Variants in RBFOX2 observed in about 807,000 individuals in gnomAD.
RBFOX2 encodes RNA binding protein fox-1 homolog 2.
In RBFOX2, 10 loss-of-function variants were observed where a neutral mutation model predicts 49.1. The observed-to-expected ratio is 0.20, with a 90% CI of 0.13 to 0.35. The LOEUF is 0.35. RBFOX2 is among the 10% of genes least tolerant of loss of function. The pLI is 1.00. For missense variants in RBFOX2, 323 were observed against 486.9 expected, an observed-to-expected ratio of 0.66 and a Z score of 3.17; for synonymous variants, 183 against 187.4, an observed-to-expected ratio of 0.98 and a Z score of 0.19.
At chr22:35,887,338 T>G (rs2046700021) in intron 1 of RBFOX2, among the ~76,000 whole-genome samples, 1 of 152,142 alleles carries the variant, frequency 6.6e-6, no homozygotes, top group Admixed American at 6.5e-5. Flanking sequence ...CTGTTCTCTA[T>G]GCCTTTTCTG....
Position 35,781,875 on chromosome 22 carries a change from A to G in RBFOX2, c.253-129T>C, listed in dbSNP as rs1031826744. 18 of 1,039,074 alleles carry G rather than the reference A, an allele frequency of 1.7e-5. No individual in the cohort carries two copies. The African/African-American group carries it at 2.8e-4, about 16-fold the overall frequency. The allele number at this position is 1,039,074 out of a possible 1,614,324, so 64.4% of individuals were successfully genotyped here. A position where few individuals can be genotyped will look rare whatever the true frequency, so the allele number is the denominator to read the frequency against. ...AATCACAGTAGTCCCTTCAAAGACA[A>G]AAGCAACAACAACAGCAGCAACAAC... On this transcript the variant is annotated intron_variant, in intron 2 of 11. Transcript: ENST00000405409.
intron 5 of RBFOX2, among the ~76,000 whole-genome samples, chr22:35,767,930 G>A (rs1941508510): frequency 6.6e-6 from 1 of 152,018 alleles, no homozygotes; most frequent in Admixed American, 6.6e-5. Flanking sequence ...TCAGAGTATT[G>A]CAAACTGAAG....
intron 1 of RBFOX2, among the ~76,000 whole-genome samples, chr22:36,018,786 G>C (rs1489999165): frequency 6.6e-6 from 1 of 152,058 alleles, no homozygotes. Context: ...GCTAATTTTT[G>C]TATTTTTAGT....
At chr22:35,944,450 C>T (rs2054046652) in intron 1 of RBFOX2, among the ~76,000 whole-genome samples, 2 of 152,056 alleles carry the variant, frequency 1.3e-5, no homozygotes, top group Non-Finnish European at 1.5e-5. Flanking sequence ...GGTGAAATTA[C>T]CCAGAATATA....
In RBFOX2 at chr22:35,848,533, T is replaced by C. The variant is rs140660415; in HGVS notation, c.-33-38529A>G. Among the ~76,000 whole-genome samples the C allele has an allele frequency of 1.2e-3, 184 of 152,308 alleles. 2 individuals carry two copies. The highest frequency in any genetic ancestry group is 4.3e-3 in the African/African-American group (177 of 41,586). On this transcript the variant is annotated intron_variant, in intron 1 of 13. Transcript: ENST00000359369. ...AAGCTGTAAGTTTACTCCAGAGAGC[T>C]TACCCAACAGGCCCAATCCAAAATA...
chr22:35,977,621 T>C (rs553797247), intron 1 of RBFOX2, among the ~76,000 whole-genome samples: 2 of 151,270 alleles, frequency 1.3e-5, no homozygotes, highest in South Asian at 2.1e-4. Context: ...TATATCTTGA[T>C]TGTGGTAGTG....
chr22:35,889,923 T>C (rs899209910), intron 1 of RBFOX2, among the ~76,000 whole-genome samples: 6 of 152,258 alleles, frequency 3.9e-5, no homozygotes, highest in African/African-American at 1.4e-4. Context: ...TCACAGATTA[T>C]CTCTATAATC....
At chr22:35,915,526 T>C (rs1001410956) in intron 1 of RBFOX2, among the ~76,000 whole-genome samples, 2 of 152,216 alleles carry the variant, frequency 1.3e-5, no homozygotes, top group African/African-American at 4.8e-5. Flanking sequence ...CTGAGTACAC[T>C]ACAGGGACTC....
At position 35,858,442 on chromosome 22, in the gene RBFOX2, T is replaced by G. The variant is rs556045637; in HGVS notation, c.-33-48438A>C. Among the ~76,000 whole-genome samples the G allele has an allele frequency of 2.0e-5, 3 of 152,324 alleles. No homozygotes were observed. The East Asian group carries it at 5.8e-4, about 29-fold the overall frequency. On this transcript the variant is annotated intron_variant, in intron 1 of 13. Coordinates refer to the RBFOX2 transcript ENST00000359369. ...TTTCCTCTGAACTTATATGGCATTC[T>G]CTATTTGTTTTTAGACATACTTATT...
At chr22:35,762,617 T>C (rs1939340233) in intron 6 of RBFOX2, among the ~76,000 whole-genome samples, 1 of 151,162 alleles carries the variant, frequency 6.6e-6, no homozygotes, top group Non-Finnish European at 1.5e-5. Flanking sequence ...GTGATTCTCA[T>C]GCCTCAGCCT....
chr22:35,853,086 G>A (rs2042123650), intron 1 of RBFOX2, among the ~76,000 whole-genome samples: 1 of 152,096 alleles, frequency 6.6e-6, no homozygotes, highest in South Asian at 2.1e-4. Flanking sequence ...CTAAGGTCAG[G>A]AGTTTGAGAC....
chr22:35,976,101 A>T (rs2057134074), intron 1 of RBFOX2, among the ~76,000 whole-genome samples: 1 of 152,190 alleles, frequency 6.6e-6, no homozygotes, highest in Admixed American at 6.5e-5. Context: ...TCTTCAATAA[A>T]TCGCATCCCC....
chr22:35,840,299 C>T (rs1958510293), exon 1 of RBFOX2: 2 of 1,612,688 alleles, frequency 1.2e-6, no homozygotes, highest in Non-Finnish European at 1.7e-6. Context: ...CACCCCCCTC[C>T]CCCCCCAATC....
chr22:35,856,294 C>T (rs544343611), intron 1 of RBFOX2, among the ~76,000 whole-genome samples: 5 of 152,248 alleles, frequency 3.3e-5, no homozygotes, highest in African/African-American at 1.2e-4. Flanking sequence ...CCCTTGGGAT[C>T]TCAAGACTTA....
intron 1 of RBFOX2, among the ~76,000 whole-genome samples, chr22:35,813,149 T>C (rs1952259342): frequency 6.6e-6 from 1 of 152,216 alleles, no homozygotes; most frequent in African/African-American, 2.4e-5. Flanking sequence ...AACAATTGTT[T>C]ATATATTAAG....
chr22:35,838,620 A>G (rs549902223), intron 1 of RBFOX2, among the ~76,000 whole-genome samples: 58 of 152,306 alleles, frequency 3.8e-4, no homozygotes, highest in Admixed American at 2.3e-3. Context: ...TTTGCGCTTC[A>G]GCCTGCGCAT....
intron 1 of RBFOX2, among the ~76,000 whole-genome samples, chr22:35,883,224 G>A (rs181379961): frequency 3.3e-5 from 5 of 152,246 alleles, no homozygotes; most frequent in African/African-American, 7.2e-5. Flanking sequence ...AGGGGTGTCC[G>A]ACAGCCTCTT....
chr22:35,876,220 T>A (rs2045060828), intron 1 of RBFOX2, among the ~76,000 whole-genome samples: 1 of 152,094 alleles, frequency 6.6e-6, no homozygotes, highest in East Asian at 1.9e-4. Context: ...TAAGTAGCAT[T>A]TTTAAAATTT....
chr22:35,922,091 G>C (rs758696025), intron 1 of RBFOX2, among the ~76,000 whole-genome samples: 5 of 152,126 alleles, frequency 3.3e-5, no homozygotes, highest in African/African-American at 1.2e-4. Flanking sequence ...CTGTGTGCTT[G>C]TATCTGCAGC....
Sources: gnomAD v4.1 joint callset for allele counts (sites outside exome capture counted in the v4.1 genomes callset) on GRCh38, gnomAD v4.1.1 for gene constraint, MANE v1.5 for transcripts, NCBI Gene and HGNC (gene_info 2026-07-23, HGNC 2026-07-21) for gene names.